CAMTA1: variants seen among roughly 807,000 people sequenced by gnomAD.
CAMTA1 encodes the protein calmodulin-binding transcription activator 1.
In CAMTA1, 27 loss-of-function variants were observed where a neutral mutation model predicts 170.9. That is an observed-to-expected ratio of 0.16 (90% confidence interval 0.12 to 0.22). CAMTA1 has a LOEUF of 0.22. CAMTA1 is among the 10% of genes least tolerant of loss of function. The pLI, the probability that CAMTA1 is intolerant of heterozygous loss-of-function variation, is 1.00. For synonymous variants in CAMTA1, 833 were observed against 891.5 expected (o/e 0.93, Z 1.17); for missense variants, 1,619 against 2,217.2 (o/e 0.73, Z 5.42).
intron 3 of CAMTA1, among the ~76,000 whole-genome samples, chr1:7,028,745 C>G (rs188913985): frequency 6.6e-6 from 1 of 152,230 alleles, no homozygotes; most frequent in Admixed American, 6.5e-5. Flanking sequence ...TTTTGCCTGT[C>G]CTTTGCACGT....
intron 4 of CAMTA1, among the ~76,000 whole-genome samples, chr1:7,124,552 T>A (rs1300582701): frequency 6.6e-6 from 1 of 152,256 alleles, no homozygotes; most frequent in Non-Finnish European, 1.5e-5. Context: ...TGCCCCTCGC[T>A]TGACTATAAA....
intron 4 of CAMTA1, among the ~76,000 whole-genome samples, chr1:7,145,675 C>T (rs1272645664): frequency 6.6e-6 from 1 of 152,156 alleles, no homozygotes; most frequent in African/African-American, 2.4e-5. Context: ...GAGCTGGACT[C>T]CAGTCTGATT....
At chr1:7,404,164 C>T (rs1161461417) in intron 5 of CAMTA1, among the ~76,000 whole-genome samples, 2 of 152,224 alleles carry the variant, frequency 1.3e-5, no homozygotes, top group Admixed American at 1.3e-4. Context: ...GAGATCCCCA[C>T]TCCCGACACC....
Position 7,148,880 on chromosome 1 carries a change from T to C in CAMTA1, c.302+57509T>C, listed in dbSNP as rs116941583. Among the ~76,000 whole-genome samples the C allele has an allele frequency of 1.4e-4, 21 of 152,362 alleles. No individual in the cohort carries two copies. In the East Asian group the frequency reaches 2.5e-3, roughly 18 times the overall value. ...TCACTTGCTTCTCCCAGCTCAGTTGTGGTCTCTGAGGTAGGTCAGAGCCTG... is the reference window on the plus strand; with the variant it reads ...TCACTTGCTTCTCCCAGCTCAGTTGCGGTCTCTGAGGTAGGTCAGAGCCTG... On this transcript the variant is annotated intron_variant, in intron 4 of 22. Coordinates refer to ENST00000303635, the MANE Select transcript of CAMTA1 (RefSeq NM_015215.4).
chr1:7,381,107 G>A (rs930408518), intron 5 of CAMTA1, among the ~76,000 whole-genome samples: 5 of 151,946 alleles, frequency 3.3e-5, no homozygotes, highest in East Asian at 3.9e-4. Context: ...TCATAATAGC[G>A]GTGACTTAAA....
intron 5 of CAMTA1, among the ~76,000 whole-genome samples, chr1:7,377,027 C>T (rs1194375050): frequency 6.6e-6 from 1 of 152,170 alleles, no homozygotes; most frequent in Non-Finnish European, 1.5e-5. Flanking sequence ...CAAGATGGCA[C>T]TCAAGCTCCA....
At chr1:7,749,996 G>C (rs1241266274) in intron 19 of CAMTA1, among the ~76,000 whole-genome samples, 2 of 152,168 alleles carry the variant, frequency 1.3e-5, no homozygotes, top group African/African-American at 4.8e-5. Flanking sequence ...TTAATAACTG[G>C]ACATTTTTTG....
intron 4 of CAMTA1, among the ~76,000 whole-genome samples, chr1:7,157,942 G>A (rs1254049336): frequency 5.9e-5 from 9 of 152,242 alleles, no homozygotes; most frequent in East Asian, 3.9e-4. Flanking sequence ...GGCGGATCAC[G>A]AGGTCAGGAG....
At chr1:7,432,919 C>T (rs1187742025) in intron 5 of CAMTA1, among the ~76,000 whole-genome samples, 2 of 152,190 alleles carry the variant, frequency 1.3e-5, no homozygotes, top group Non-Finnish European at 2.9e-5. Flanking sequence ...GCCCAGCCAG[C>T]ACCTGCCTTT....
rs535029119 is a variant in CAMTA1 at position 7,562,236 on chromosome 1, T to C, written c.511-78164T>C. On this transcript the variant is annotated intron_variant, in intron 6 of 22. Coordinates refer to ENST00000303635, the MANE Select transcript of CAMTA1 (RefSeq NM_015215.4). This position sits in a 1 kb window ranked among gnomAD's most constrained non-coding sequence, Gnocchi z 4.8. ...CTATTGTAAGCACTACACAAAACTT[T>C]AAAGAATGTGTGTTAGACAACTGTC... 6.6e-6 allele frequency among the ~76,000 whole-genome samples: 1 copy of C among 152,222 alleles called. No individual in the cohort carries two copies. The highest frequency in any genetic ancestry group is 1.9e-4 in the East Asian group (1 of 5,186).
chr1:7,163,824 G>A (rs543967880), intron 4 of CAMTA1, among the ~76,000 whole-genome samples: 1 of 152,270 alleles, frequency 6.6e-6, no homozygotes, highest in African/African-American at 2.4e-5. Context: ...GACAGTGCCT[G>A]TGCAGGAATT....
At chr1:7,450,991 G>A (rs908979067) in intron 5 of CAMTA1, among the ~76,000 whole-genome samples, 11 of 152,314 alleles carry the variant, frequency 7.2e-5, no homozygotes, top group East Asian at 3.9e-4. Context: ...GTGTTAGCTC[G>A]GGAGAAGCAG....
At chr1:7,198,598 A>T (rs1656024410) in intron 4 of CAMTA1, among the ~76,000 whole-genome samples, 1 of 152,016 alleles carries the variant, frequency 6.6e-6, no homozygotes, top group African/African-American at 2.4e-5. Flanking sequence ...TCCATCACTC[A>T]TACCCCCTTG....
chr1:7,498,444 TG>T (rs2093880327), intron 6 of CAMTA1, among the ~76,000 whole-genome samples: 1 of 150,646 alleles, frequency 6.6e-6, no homozygotes, highest in Non-Finnish European at 1.5e-5. Context: ...TGTATGAGTG[TG>T]TGTGAATGTG....
At chr1:7,601,585 C>A (rs1053558032) in intron 6 of CAMTA1, among the ~76,000 whole-genome samples, 26 of 152,362 alleles carry the variant, frequency 1.7e-4, no homozygotes, top group African/African-American at 5.8e-4. Context: ...GAGGCCAAGG[C>A]AGGCAGCTGG....
At chr1:6,817,584 A>G (rs1422307305) in intron 1 of CAMTA1, among the ~76,000 whole-genome samples, 5 of 152,214 alleles carry the variant, frequency 3.3e-5, no homozygotes, top group Admixed American at 1.3e-4. Flanking sequence ...TGTCTAGTCT[A>G]TAGGGTGAAT....
intron 1 of CAMTA1, among the ~76,000 whole-genome samples, chr1:6,794,899 G>GT (rs1225397250): frequency 6.8e-4 from 93 of 135,774 alleles, no homozygotes; most frequent in African/African-American, 2.2e-3. Context: ...TGTTTTTTTT[G>GT]TTTTTTTGTT....
chr1:7,627,081 G>T (rs1268510313), intron 6 of CAMTA1, among the ~76,000 whole-genome samples: 2 of 152,164 alleles, frequency 1.3e-5, no homozygotes, highest in African/African-American at 4.8e-5. Flanking sequence ...GCAGGATGTG[G>T]ATGGGGTGTC....
chr1:6,880,569 T>C (rs1671281493), intron 3 of CAMTA1, among the ~76,000 whole-genome samples: 1 of 152,174 alleles, frequency 6.6e-6, no homozygotes, highest in African/African-American at 2.4e-5. Flanking sequence ...TTTTGTGTTT[T>C]TGTAGAGACA....
Sources: gnomAD v4.1 joint callset for allele counts (sites outside exome capture counted in the v4.1 genomes callset) on GRCh38, gnomAD v4.1.1 for gene constraint, Gnocchi (gnomAD v3.1) non-coding constraint, MANE v1.5 for transcripts, NCBI Gene and HGNC (gene_info 2026-07-23, HGNC 2026-07-21) for gene names.